Variants in SLC38A9 observed in about 807,000 individuals in gnomAD.
SLC38A9 encodes the protein neutral amino acid transporter 9.
SLC38A9 carries 48 observed loss-of-function variants against 62.3 expected under a neutral mutation model. The ratio of observed to expected loss-of-function variants is 0.77; its 90% CI spans 0.61 to 0.98. SLC38A9 has a LOEUF of 0.98. Among genes scored for constraint, SLC38A9 ranks in the 50% least tolerant of loss-of-function variants. SLC38A9 has a pLI of 0.00. For missense variants in SLC38A9, 541 were observed against 679.8 expected, an observed-to-expected ratio of 0.80 and a Z score of 2.27; for synonymous variants, 204 against 227.7, an observed-to-expected ratio of 0.90 and a Z score of 0.94.
At chr5:55,627,479 T>G (rs898665186) in intron 15 of SLC38A9, among the ~76,000 whole-genome samples, 1 of 152,088 alleles carries the variant, frequency 6.6e-6, no homozygotes, top group East Asian at 1.9e-4. Flanking sequence ...CAATTGACAT[T>G]GAAAAATACT....
At chr5:55,710,067 CAAAAAAAAAA>C (rs1174162436) in intron 2 of SLC38A9, among the ~76,000 whole-genome samples, 5 of 20,890 alleles carry the variant, frequency 2.4e-4, no homozygotes, top group Non-Finnish European at 3.5e-4. Flanking sequence ...GACTCCATCT[CAAAAAAAAAA>C]AAAAAAAAGA....
At chr5:55,636,902 GCA>G (rs1306177818) in intron 12 of SLC38A9, among the ~76,000 whole-genome samples, 3 of 152,208 alleles carry the variant, frequency 2.0e-5, no homozygotes, top group Non-Finnish European at 4.4e-5. Flanking sequence ...GGATGACCGG[GCA>G]CAGTTTCAAA....
chr5:55,670,844 G>A (rs187960332), intron 4 of SLC38A9, among the ~76,000 whole-genome samples: 47 of 151,976 alleles, frequency 3.1e-4, no homozygotes, highest in African/African-American at 1.1e-3. Context: ...CTAAGACTTC[G>A]CCACAACTAC....
intron 3 of SLC38A9, chr5:55,673,420 C>T (rs1580287321): frequency 1.3e-5 from 2 of 152,324 alleles, no homozygotes. Flanking sequence ...GAAACTCCCT[C>T]ATTTTCTTCT....
intron 14 of SLC38A9, among the ~76,000 whole-genome samples, chr5:55,629,548 C>T (rs1170620004): frequency 6.6e-6 from 1 of 152,170 alleles, no homozygotes; most frequent in Non-Finnish European, 1.5e-5. Context: ...TACTGCAGTA[C>T]AGTACGCTGG....
chr5:55,636,813 A>G (rs1744460259), intron 12 of SLC38A9, among the ~76,000 whole-genome samples: 1 of 152,206 alleles, frequency 6.6e-6, no homozygotes, highest in Admixed American at 6.5e-5. Flanking sequence ...GATGGTGGAT[A>G]AGCCCATGGA....
In SLC38A9 at chr5:55,678,138, G is replaced by GT. The variant is rs769465008; in HGVS notation, c.114-5444dup. On this transcript the variant is annotated intron_variant, in intron 3 of 15. Coordinates refer to ENST00000396865, the MANE Select transcript of SLC38A9 (RefSeq NM_173514.4). The stretch of plus-strand genomic sequence containing the variant: ...CCACAAAAGGTGAACAAGGTTACTG[G>GT]TTTTTTTTTCTTTTTTTGAGACAGT... Among the ~76,000 whole-genome samples the GT allele has an allele frequency of 1.2e-4, 16 of 129,484 alleles. 1 individual carries two copies. Among genetic ancestry groups the GT allele is most frequent in the East Asian group, 2.2e-4 (1 of 4,524 alleles). The allele number at this position is 129,484 out of a possible 152,430, so 84.9% of individuals were successfully genotyped here. A position where few individuals can be genotyped will look rare whatever the true frequency, so the allele number is the denominator to read the frequency against.
chr5:55,684,020 T>C (rs887092496), intron 3 of SLC38A9, among the ~76,000 whole-genome samples: 17 of 152,350 alleles, frequency 1.1e-4, no homozygotes, highest in Admixed American at 1.0e-3. Flanking sequence ...TCAACATTCA[T>C]TATTGTCACT....
chr5:55,667,152 C>G (rs1750616600), intron 7 of SLC38A9, among the ~76,000 whole-genome samples: 1 of 152,104 alleles, frequency 6.6e-6, no homozygotes, highest in Non-Finnish European at 1.5e-5. Context: ...CTGAGTGACT[C>G]TTAGCATTTC....
chr5:55,649,696 C>T (rs1747047064), intron 10 of SLC38A9, among the ~76,000 whole-genome samples: 1 of 152,124 alleles, frequency 6.6e-6, no homozygotes, highest in Non-Finnish European at 1.5e-5. Flanking sequence ...GTGGCACACG[C>T]CTATAATCAC....
chr5:55,652,487 T>G, intron 10 of SLC38A9, 42 bp downstream of exon 10: 2 of 1,289,392 alleles, frequency 1.6e-6, no homozygotes, highest in Non-Finnish European at 2.1e-6. Context: ...CCACCACGTA[T>G]TCTATTACAC....
chr5:55,697,654 GA>G (rs3042033), intron 3 of SLC38A9, among the ~76,000 whole-genome samples, 191 bp downstream of exon 3: 9,007 of 130,818 alleles, frequency 0.069, 505 homozygotes, highest in East Asian at 0.23. Context: ...TGAGTTTAGT[GA>G]AAAAAAAAAA....
At chr5:55,633,447 A>G (rs1014977412) in intron 14 of SLC38A9, 12 of 203,634 alleles carry the variant, frequency 5.9e-5, no homozygotes, top group Non-Finnish European at 1.1e-4. Context: ...CATTGCCAAC[A>G]TAGGTACTAT....
chr5:55,706,280 A>G (rs893370640), intron 2 of SLC38A9, among the ~76,000 whole-genome samples: 1 of 152,258 alleles, frequency 6.6e-6, no homozygotes, highest in Non-Finnish European at 1.5e-5. Flanking sequence ...ATATATGGCT[A>G]TACTTTCTAA....
Position 55,652,644 on chromosome 5 carries a change from T to C in SLC38A9, c.837A>G (p.Gln279=), listed in dbSNP as rs1394870719. ...MIFYANDTGA[Q]QFEKWWDKSR... ...ACTTATCCCACCACTTTTCAAACTG[T>C]TGGGCTCCTGTGTCATTGGCATAGA... Residue 279 remains glutamine (Q), a synonymous_variant, in exon 10 of 16, where the codon CAA becomes CAG. Coordinates refer to ENST00000396865, the MANE Select transcript of SLC38A9 (RefSeq NM_173514.4). The C allele has an allele frequency of 4.3e-6, 7 of 1,613,668 alleles. No homozygotes were observed. Among genetic ancestry groups the C allele is most frequent in the South Asian group, 2.2e-5 (2 of 91,054 alleles).
Position 55,626,556 on chromosome 5 carries a change from T to C in SLC38A9, c.1624A>G (p.Ile542Val). The C allele has an allele frequency of 6.2e-7, 1 of 1,613,756 alleles. No individual in the cohort carries two copies. The highest frequency in any genetic ancestry group is 1.1e-5 in the South Asian group (1 of 91,040). The change falls in exon 16 of 16, where the codon ATC (isoleucine) becomes GTC (valine). Residue 542 changes from isoleucine (I) to valine (V), a missense_variant. Coordinates refer to ENST00000396865, the MANE Select transcript of SLC38A9 (RefSeq NM_173514.4). ...QEERLTWPKL[I>V]FHVFIIILGV... ...AAAATGATGATGAAAACGTGGAAGA[T>C]TAATTTAGGCCATGTCAGACGCTCT... is the stretch of plus-strand genomic sequence containing the variant.
At chr5:55,627,704 C>T (rs1355481416) in intron 15 of SLC38A9, among the ~76,000 whole-genome samples, 187 bp downstream of exon 15, 1 of 151,962 alleles carries the variant, frequency 6.6e-6, no homozygotes, top group Non-Finnish European at 1.5e-5. Flanking sequence ...GAGTTCTCCA[C>T]CAGAACAAAC....
rs1340097544 is a variant in SLC38A9 at position 55,649,309 on chromosome 5, C to T, written c.958G>A (p.Val320Met). 1.9e-6 allele frequency: 3 copies of T among 1,561,858 alleles called. No individual in the cohort carries two copies. The African/African-American group carries it at 4.2e-5, about 22-fold the overall frequency. ...AGGAAAATCAAATAAAGGACAGACA[C>T]TGTGCCTGTGAGGAAAAAATTCAGA... is the stretch of plus-strand genomic sequence containing the variant. Reference protein sequence around the residue: ...FFSKFNILGTVSVLYLIFLVT... With the variant: ...FFSKFNILGTMSVLYLIFLVT... The change falls in exon 11 of 16, where the codon GTG becomes ATG. Residue 320 changes from valine to methionine, a missense_variant. Transcript: ENST00000396865.
At chr5:55,659,567 T>C (rs966209513) in intron 8 of SLC38A9, among the ~76,000 whole-genome samples, 1 of 151,764 alleles carries the variant, frequency 6.6e-6, no homozygotes, top group Non-Finnish European at 1.5e-5. Flanking sequence ...TTTGTACTTT[T>C]AGTAGAGACG....
Sources: allele counts gnomAD v4.1 joint callset (sites outside exome capture counted in the v4.1 genomes callset), GRCh38; gene constraint gnomAD v4.1.1; transcripts MANE v1.5; gene names NCBI Gene and HGNC (gene_info 2026-07-23, HGNC 2026-07-21).